DLGAP2: variants seen among roughly 807,000 people sequenced by gnomAD.
DLGAP2 encodes the protein DLG associated protein 2.
Under a neutral mutation model 100.3 loss-of-function variants are expected in DLGAP2, and 26 were observed. That is an observed-to-expected ratio of 0.26 (90% CI 0.19 to 0.36). The LOEUF (loss-of-function observed/expected upper bound fraction) is 0.36, where lower values mean the gene tolerates loss of function less well. Ranked by LOEUF, DLGAP2 falls within the 10% of genes least tolerant of loss-of-function variation. The pLI is 1.00. For synonymous variants in DLGAP2, 886 were observed against 630.1 expected, an observed-to-expected ratio of 1.41 and a Z score of -6.08; for missense variants, 1,858 against 1,453.2, an observed-to-expected ratio of 1.28 and a Z score of -4.53.
chr8:1,701,636 G>A lies in DLGAP2; in HGVS notation c.*230G>A, dbSNP rs996145489. Reference sequence around the variant, plus strand: ...TGTTGTTGTTGTTCACGGGTGGCCTGGCTCACACTTGGCTCTGAGGGACAG... The same window carrying A: ...TGTTGTTGTTGTTCACGGGTGGCCTAGCTCACACTTGGCTCTGAGGGACAG... On this transcript the variant is annotated 3_prime_UTR_variant, in exon 15 of 15. Transcript: ENST00000637795. 1 of 578,672 alleles carries A rather than the reference G, an allele frequency of 1.7e-6. No individual in the cohort carries two copies. The allele number at this position is 578,672 out of a possible 1,614,324, so 35.8% of individuals were successfully genotyped here.
At chr8:1,224,934 G>A (rs1026668995) in intron 2 of DLGAP2, among the ~76,000 whole-genome samples, 2 of 152,228 alleles carry the variant, frequency 1.3e-5, no homozygotes, top group Non-Finnish European at 2.9e-5. Context: ...TTAATCGGAA[G>A]CAAAGTGACA....
intron 3 of DLGAP2, among the ~76,000 whole-genome samples, chr8:1,415,557 G>A (rs1042626108): frequency 3.3e-5 from 5 of 152,094 alleles, no homozygotes; most frequent in Admixed American, 6.5e-5. Flanking sequence ...GTGAGAACAC[G>A]TGGTGTCTGG....
chr8:1,103,322 G>T (rs1412295824), intron 2 of DLGAP2, among the ~76,000 whole-genome samples: 1 of 151,356 alleles, frequency 6.6e-6, no homozygotes, highest in Admixed American at 6.6e-5. Flanking sequence ...TATGGCCTTG[G>T]TTAACGGTGA....
At position 1,358,129 on chromosome 8, in the gene DLGAP2, A is replaced by G. The variant is rs553116110; in HGVS notation, c.106+99246A>G. 2.0e-5 allele frequency among the ~76,000 whole-genome samples: 3 copies of G among 152,296 alleles called. No individual in the cohort carries two copies. In the East Asian group the frequency reaches 5.8e-4, roughly 29 times the overall value. On this transcript the variant is annotated intron_variant, in intron 3 of 14. Coordinates refer to ENST00000637795, the MANE Select transcript of DLGAP2 (RefSeq NM_001346810.2). Reference sequence around the variant, plus strand: ...TGGGTAGAAGTGAAGATTGTAAAATAAAAGAGAAAATCCAGGTGCATCCTT... The same window carrying G: ...TGGGTAGAAGTGAAGATTGTAAAATGAAAGAGAAAATCCAGGTGCATCCTT...
At chr8:1,566,142 C>T (rs1802392239) in intron 6 of DLGAP2, among the ~76,000 whole-genome samples, 1 of 152,132 alleles carries the variant, frequency 6.6e-6, no homozygotes, top group South Asian at 2.1e-4. Context: ...ATTATAAAGC[C>T]AACATGAGCC....
At chr8:866,326 C>T (rs1215660945) in intron 1 of DLGAP2, among the ~76,000 whole-genome samples, 6 of 152,330 alleles carry the variant, frequency 3.9e-5, no homozygotes, top group South Asian at 4.1e-4. Flanking sequence ...AGGAAACGTG[C>T]GTGGGGCATG....
chr8:1,121,087 A>T (rs541449226), intron 2 of DLGAP2, among the ~76,000 whole-genome samples: 1 of 147,960 alleles, frequency 6.8e-6, no homozygotes, highest in East Asian at 2.1e-4. Flanking sequence ...AGAACCCCTG[A>T]TCACCCATCC....
chr8:1,439,236 C>A (rs1797752404), intron 3 of DLGAP2, among the ~76,000 whole-genome samples: 1 of 152,184 alleles, frequency 6.6e-6, no homozygotes, highest in African/African-American at 2.4e-5. Context: ...TCACCGGCGC[C>A]AGGACTGAAC....
chr8:1,519,450 A>G (rs1016676958), intron 4 of DLGAP2, among the ~76,000 whole-genome samples: 4 of 152,240 alleles, frequency 2.6e-5, no homozygotes, highest in Non-Finnish European at 5.9e-5. Context: ...GGTTGGATCC[A>G]TCAGAAAATA....
intron 2 of DLGAP2, among the ~76,000 whole-genome samples, chr8:1,204,223 C>A (rs1797943215): frequency 6.6e-6 from 1 of 152,260 alleles, no homozygotes; most frequent in Non-Finnish European, 1.5e-5. Context: ...TCTGCTCCTA[C>A]TGTGTGCCCT....
intron 1 of DLGAP2, among the ~76,000 whole-genome samples, chr8:853,596 C>G (rs541089499): frequency 6.6e-6 from 1 of 152,184 alleles, no homozygotes; most frequent in African/African-American, 2.4e-5. Context: ...GGACCCCCCA[C>G]GACATCCAAG....
chr8:1,447,600 T>G (rs1232882202), intron 3 of DLGAP2, among the ~76,000 whole-genome samples: 1 of 152,248 alleles, frequency 6.6e-6, no homozygotes, highest in Non-Finnish European at 1.5e-5. Flanking sequence ...GCTGGCCTCA[T>G]AAAATGAGTT....
chr8:1,474,276 T>TG (rs1377335098), intron 3 of DLGAP2, among the ~76,000 whole-genome samples: 2 of 152,184 alleles, frequency 1.3e-5, no homozygotes, highest in African/African-American at 4.8e-5. Context: ...TTTATCCACT[T>TG]ATTGATTGAT....
At chr8:1,464,218 ACGGCTCCCTTC>A (rs2130167552) in intron 3 of DLGAP2, among the ~76,000 whole-genome samples, 3 of 152,052 alleles carry the variant, frequency 2.0e-5, no homozygotes, top group Admixed American at 6.5e-5. Flanking sequence ...CCCTTCCAGG[ACGGCTCCCTTC>A]CAGGACGACA....
intron 2 of DLGAP2, among the ~76,000 whole-genome samples, chr8:981,782 CT>C (rs561528773): frequency 6.0e-4 from 92 of 152,284 alleles, no homozygotes; most frequent in African/African-American, 2.2e-3. Context: ...GTGTTGTTGA[CT>C]TGTAGAAGTT....
chr8:1,054,623 G>A (rs1802823702), intron 2 of DLGAP2, among the ~76,000 whole-genome samples: 1 of 151,998 alleles, frequency 6.6e-6, no homozygotes, highest in South Asian at 2.1e-4. Flanking sequence ...TCCCTCTCTT[G>A]GGTTGTGTAC....
At chr8:1,200,980 G>A (rs906111920) in intron 2 of DLGAP2, among the ~76,000 whole-genome samples, 2 of 152,210 alleles carry the variant, frequency 1.3e-5, no homozygotes, top group Non-Finnish European at 2.9e-5. Flanking sequence ...CGGCCTTAGG[G>A]AAAGAAGGCG....
intron 2 of DLGAP2, among the ~76,000 whole-genome samples, chr8:1,053,072 CAAGG>C (rs1348337991): frequency 6.6e-6 from 1 of 152,150 alleles, no homozygotes; most frequent in Non-Finnish European, 1.5e-5. Context: ...GAGTAACAAA[CAAGG>C]AAGCATATGT....
chr8:1,208,013 G>T (rs1455508282), intron 2 of DLGAP2, among the ~76,000 whole-genome samples: 1 of 151,956 alleles, frequency 6.6e-6, no homozygotes, highest in Non-Finnish European at 1.5e-5. Flanking sequence ...CCACTCGGTG[G>T]GTTGTCTGTT....
Sources: allele counts gnomAD v4.1 joint callset (sites outside exome capture counted in the v4.1 genomes callset), GRCh38; gene constraint gnomAD v4.1.1; transcripts MANE v1.5; gene names NCBI Gene and HGNC (gene_info 2026-07-23, HGNC 2026-07-21).